The following TRAPPC9 variants were observed in gnomAD, a reference collection of about 807,000 sequenced individuals.
The protein encoded by TRAPPC9 is trafficking protein particle complex subunit 9, also known as IKK2 binding protein.
TRAPPC9 carries 83 observed loss-of-function variants against 124.0 expected under a neutral mutation model. The observed-to-expected ratio is 0.67, with a 90% CI of 0.56 to 0.80. The LOEUF (loss-of-function observed/expected upper bound fraction) is 0.80, where lower values mean the gene tolerates loss of function less well. Among genes scored for constraint, TRAPPC9 ranks in the 30% least tolerant of loss-of-function variants. TRAPPC9 has a pLI of 0.00. For synonymous variants in TRAPPC9, 638 were observed against 617.5 expected, an observed-to-expected ratio of 1.03 and a Z score of -0.49; for missense variants, 1,302 against 1,508.3, an observed-to-expected ratio of 0.86 and a Z score of 2.27.
At chr8:140,280,619 A>G (rs2065281926) in intron 14 of TRAPPC9, among the ~76,000 whole-genome samples, 1 of 151,640 alleles carries the variant, frequency 6.6e-6, no homozygotes, top group Admixed American at 6.6e-5. Context: ...TTTTTAGTAG[A>G]GACAGGGTTT....
At chr8:140,195,437 G>A (rs188319858) in intron 17 of TRAPPC9, among the ~76,000 whole-genome samples, 27 of 144,680 alleles carry the variant, frequency 1.9e-4, no homozygotes, top group East Asian at 4.3e-4. Context: ...AAAAACACTC[G>A]ACAATCCACC....
intron 21 of TRAPPC9, among the ~76,000 whole-genome samples, chr8:139,822,632 G>T (rs143524717): frequency 2.6e-5 from 4 of 152,118 alleles, no homozygotes; most frequent in South Asian, 2.1e-4. Context: ...GGCGGGGGGG[G>T]GCTGCCTTGC....
At chr8:140,204,765 C>G (rs10093961) in intron 17 of TRAPPC9, among the ~76,000 whole-genome samples, 5,297 of 152,296 alleles carry the variant, frequency 0.035, 303 homozygotes, top group African/African-American at 0.12. Flanking sequence ...TTCCTTGCAG[C>G]CTGCAGAACC....
At chr8:140,239,660 T>C (rs1300155078) in intron 16 of TRAPPC9, among the ~76,000 whole-genome samples, 1 of 152,124 alleles carries the variant, frequency 6.6e-6, no homozygotes, top group Admixed American at 6.5e-5. Flanking sequence ...CACCGTGCAC[T>C]CCGCCAGGTC....
At chr8:140,032,117 A>G (rs764209977) in intron 17 of TRAPPC9, among the ~76,000 whole-genome samples, 5 of 152,308 alleles carry the variant, frequency 3.3e-5, no homozygotes, top group Middle Eastern at 3.4e-3. Context: ...AGCGTCTCCA[A>G]AGAAACTCTG....
upstream of TRAPPC9, chr8:140,458,360 G>C (rs1375343117): frequency 6.3e-7 from 1 of 1,594,236 alleles, no homozygotes; most frequent in Admixed American, 1.8e-5. Flanking sequence ...GCCCACTGTG[G>C]ATCCCTGCGG....
chr8:139,791,563 G>A (rs932084334), intron 21 of TRAPPC9, among the ~76,000 whole-genome samples: 15 of 146,546 alleles, frequency 1.0e-4, no homozygotes, highest in Non-Finnish European at 2.1e-4. Context: ...TCACACAGGC[G>A]CCCATCTCCC....
chr8:139,877,399 A>G (rs1171011561), intron 21 of TRAPPC9, among the ~76,000 whole-genome samples: 1 of 152,108 alleles, frequency 6.6e-6, no homozygotes, highest in Non-Finnish European at 1.5e-5. Context: ...GTCCAGCCCT[A>G]CCTCCTGCTC....
At chr8:139,837,929 C>T (rs1470958695) in intron 21 of TRAPPC9, among the ~76,000 whole-genome samples, 3 of 152,178 alleles carry the variant, frequency 2.0e-5, no homozygotes, top group South Asian at 2.1e-4. Flanking sequence ...TCTCACAGCT[C>T]GCCCATCTCT....
chr8:140,009,747 G>A (rs908577545), intron 18 of TRAPPC9, among the ~76,000 whole-genome samples: 8 of 152,252 alleles, frequency 5.3e-5, no homozygotes, highest in African/African-American at 1.7e-4. Context: ...TTCATAGCAC[G>A]TCCCCCCTGC....
At chr8:140,387,032 T>A (rs547237212) in intron 7 of TRAPPC9, among the ~76,000 whole-genome samples, 3 of 152,312 alleles carry the variant, frequency 2.0e-5, no homozygotes, top group Admixed American at 6.5e-5. Context: ...AACCATCTGA[T>A]TTTTTACAAA....
At chr8:140,094,154 C>T (rs1844768081) in intron 17 of TRAPPC9, among the ~76,000 whole-genome samples, 3 of 152,166 alleles carry the variant, frequency 2.0e-5, no homozygotes, top group Admixed American at 2.0e-4. Flanking sequence ...CCACTCTGAA[C>T]TTAGAATTGC....
chr8:140,289,164 A>G (rs2065575413), intron 12 of TRAPPC9, among the ~76,000 whole-genome samples: 1 of 142,180 alleles, frequency 7.0e-6, no homozygotes, highest in Non-Finnish European at 1.5e-5. Flanking sequence ...ATGGGTTTAG[A>G]TATATATATA....
At chr8:140,036,348 G>C (rs1372910409) in intron 17 of TRAPPC9, among the ~76,000 whole-genome samples, 1 of 152,168 alleles carries the variant, frequency 6.6e-6, no homozygotes, top group Non-Finnish European at 1.5e-5. Flanking sequence ...ACGTGTTCGG[G>C]GGGTGGCATG....
chr8:139,910,990 T>C (rs1185663482), intron 19 of TRAPPC9, among the ~76,000 whole-genome samples: 1 of 152,110 alleles, frequency 6.6e-6, no homozygotes, highest in Non-Finnish European at 1.5e-5. Flanking sequence ...GAAGGCATGA[T>C]TGGTTTTGAA....
At chr8:140,001,207 G>A (rs1177244458) in intron 18 of TRAPPC9, among the ~76,000 whole-genome samples, 1 of 152,110 alleles carries the variant, frequency 6.6e-6, no homozygotes, top group Non-Finnish European at 1.5e-5. Context: ...ACAGGGTGGA[G>A]AACATCACAC....
At chr8:140,318,910 C>A (rs767450797) in intron 9 of TRAPPC9, among the ~76,000 whole-genome samples, 14 of 152,136 alleles carry the variant, frequency 9.2e-5, no homozygotes, top group Non-Finnish European at 1.6e-4. Context: ...GAAGCCTGAC[C>A]ACATATACCC....
In TRAPPC9 at chr8:140,360,142, A is replaced by C. The variant is rs369065494; in HGVS notation, c.1403T>G (p.Val468Gly). The C allele has an allele frequency of 6.8e-6, 11 of 1,614,102 alleles. No homozygotes were observed. In the African/African-American group the frequency reaches 1.3e-4, roughly 20 times the overall value. Reference protein sequence around the residue: ...AVQMRLLHELVYASRRMGNPA... With the variant: ...AVQMRLLHELGYASRRMGNPA... ...GTTCCCCATCCTTCGGGAGGCGTAG[A>C]CCAATTCATGGAGCAAACGCATCTG... is the stretch of plus-strand genomic sequence containing the variant. The change falls in exon 9 of 23, where the codon GTC (valine) becomes GGC (glycine). Residue 468 changes from valine to glycine, a missense_variant. Val to Gly is a moderately radical substitution (Grantham distance 109). Transcript: ENST00000438773.
At chr8:140,361,780 G>A (rs909934534) in intron 8 of TRAPPC9, among the ~76,000 whole-genome samples, 1 of 152,108 alleles carries the variant, frequency 6.6e-6, no homozygotes, top group African/African-American at 2.4e-5. Context: ...TCCTGTACCT[G>A]AAGACTGTGC....
Sources: gnomAD v4.1 joint callset for allele counts (sites outside exome capture counted in the v4.1 genomes callset) on GRCh38, gnomAD v4.1.1 for gene constraint, MANE v1.5 for transcripts, NCBI Gene and HGNC (gene_info 2026-07-23, HGNC 2026-07-21) for gene names.